Variants in TRPC5 observed in about 807,000 individuals in gnomAD.
TRPC5 encodes the protein transient receptor potential cation channel subfamily C member 5, also known as short transient receptor potential channel 5.
In TRPC5, 9 loss-of-function variants were observed where a neutral mutation model predicts 56.5. The observed-to-expected ratio is 0.16, with a 90% CI of 0.10 to 0.28. TRPC5 has a LOEUF of 0.28. Among genes scored for constraint, TRPC5 ranks in the 10% least tolerant of loss-of-function variants. The pLI is 1.00. For synonymous variants in TRPC5, 282 were observed against 278.5 expected (o/e 1.01, Z -0.13); for missense variants, 469 against 748.9 (o/e 0.63, Z 4.36).
intron 6 of TRPC5, among the ~76,000 whole-genome samples, chrX:111,842,581 G>T (rs1257317905): frequency 1.8e-5 from 2 of 112,167 alleles, no homozygotes; most frequent in Admixed American, 9.5e-5. Flanking sequence ...TTTTTTCAAC[G>T]CTTTGGATGG....
chrX:111,781,913 T>C, intron 8 of TRPC5, 22 bp downstream of exon 8: 1 of 1,155,602 alleles, frequency 8.7e-7, no homozygotes, highest in Non-Finnish European at 1.2e-6. Flanking sequence ...AAAAATTAAG[T>C]TTTCAAAATT....
At chrX:111,904,197 A>C (rs1272001253) in intron 3 of TRPC5, among the ~76,000 whole-genome samples, 2 of 112,309 alleles carry the variant, frequency 1.8e-5, no homozygotes, top group Non-Finnish European at 3.8e-5. Flanking sequence ...GTTATTAATA[A>C]ATTTTCTGCT....
intron 7 of TRPC5, among the ~76,000 whole-genome samples, chrX:111,798,071 T>C (rs1921165012): frequency 8.9e-6 from 1 of 111,757 alleles, no homozygotes; most frequent in African/African-American, 3.2e-5. Flanking sequence ...ATATCCTGAA[T>C]GCATAAAATA....
chrX:111,855,791 A>G (rs1923209012), intron 3 of TRPC5, among the ~76,000 whole-genome samples: 5 of 112,463 alleles, frequency 4.4e-5, no homozygotes, highest in Admixed American at 3.8e-4. Flanking sequence ...AAGAAAATAC[A>G]GAAAAGTCAG....
At chrX:111,886,684 G>A (rs780056091) in intron 3 of TRPC5, among the ~76,000 whole-genome samples, 1 of 111,565 alleles carries the variant, frequency 9.0e-6, no homozygotes, top group South Asian at 3.8e-4. Flanking sequence ...ATGACATTCT[G>A]GAGGCCAAAG....
intron 1 of TRPC5, among the ~76,000 whole-genome samples, chrX:111,992,747 C>G (rs181814698): frequency 2.0e-4 from 22 of 109,223 alleles, no homozygotes; most frequent in Non-Finnish European, 3.4e-4. Flanking sequence ...GGATTACAGG[C>G]ACCTGCCACC....
intron 3 of TRPC5, 58 bp downstream of exon 3, chrX:111,912,233 C>T: frequency 8.9e-7 from 1 of 1,120,102 alleles, no homozygotes. Flanking sequence ...TCTTGCTCTG[C>T]TGCTCCAGAC....
In TRPC5 at chrX:111,776,671, T is replaced by C; in HGVS notation, c.2564A>G (p.His855Arg). 3 of 1,211,819 alleles carry C rather than the reference T, an allele frequency of 2.5e-6. No homozygotes were observed. The highest frequency in any genetic ancestry group is 3.3e-6 in the Non-Finnish European group (3 of 895,543). Residue 855 changes from histidine (H) to arginine (R), a missense_variant, in exon 11 of 11, where the codon CAT (histidine) becomes CGT (arginine). Around this residue, in one of 3 missense-constraint regions of TRPC5, gnomAD observed 194 missense variants for 221.8 expected, o/e 0.87. Coordinates refer to ENST00000262839, the MANE Select transcript of TRPC5 (RefSeq NM_012471.3). ...TGGCTCTGAACTGGGTTCAGACATA[T>C]GACCATTAAATTTGGAGAATAGGAG... ...LGLLFSKFNG[H>R]MSEPSSEPMY... is the part of the protein sequence containing the mutation.
intron 6 of TRPC5, among the ~76,000 whole-genome samples, chrX:111,839,809 T>G (rs1040444818): frequency 3.6e-5 from 4 of 111,057 alleles, no homozygotes; most frequent in Non-Finnish European, 7.6e-5. Context: ...TTTGAACTCC[T>G]GGGCTCAAGT....
chrX:111,963,400 G>A (rs1927452476), intron 1 of TRPC5, among the ~76,000 whole-genome samples: 1 of 112,369 alleles, frequency 8.9e-6, no homozygotes, highest in Non-Finnish European at 1.9e-5. Context: ...TCTGGGGGCA[G>A]GGCACAGACA....
At chrX:111,964,140 G>A (rs1927482924) in intron 1 of TRPC5, among the ~76,000 whole-genome samples, 1 of 112,129 alleles carries the variant, frequency 8.9e-6, no homozygotes. Context: ...AGAGCTGATG[G>A]AGCTGAAAGC....
At chrX:112,054,348 G>T (rs1251362441) in intron 1 of TRPC5, among the ~76,000 whole-genome samples, 1 of 110,961 alleles carries the variant, frequency 9.0e-6, no homozygotes, top group Non-Finnish European at 1.9e-5. Context: ...ATGTGTTGTG[G>T]TTGAAGGGCC....
chrX:112,056,399 A>G (rs969230668), intron 1 of TRPC5, among the ~76,000 whole-genome samples: 6 of 112,609 alleles, frequency 5.3e-5, no homozygotes, highest in Admixed American at 2.8e-4. Context: ...TGCATTTTAA[A>G]AAGTGGTCTG....
chrX:111,912,494 C>T lies in TRPC5; in HGVS notation c.697G>A (p.Val233Met), dbSNP rs145338486. The T allele has an allele frequency of 2.0e-4, 243 of 1,209,724 alleles. No individual in the cohort carries two copies. Among genetic ancestry groups the T allele is most frequent in the Non-Finnish European group, 2.7e-4 (240 of 895,229 alleles). The change falls in exon 3 of 11, where the codon GTG (valine) becomes ATG (methionine). Residue 233 changes from valine (V) to methionine (M), a missense_variant. This residue lies in a region of TRPC5 where 157 missense variants were observed against 360.0 expected (regional missense o/e 0.44). Transcript: ENST00000262839. ...LGWELKELSK[V>M]ENEFKAEYEE... ...TACTCGGCCTTGAACTCATTCTCCA[C>T]CTTGCTGAGCTCCTTGAGCTCCCAG...
At chrX:111,968,752 A>G (rs1159281351) in intron 1 of TRPC5, among the ~76,000 whole-genome samples, 53 of 98,035 alleles carry the variant, frequency 5.4e-4, no homozygotes, top group Admixed American at 1.2e-3. Context: ...GCATGTTCTG[A>G]CTCATAGGTG....
chrX:112,011,526 T>C (rs1928992381), intron 1 of TRPC5, among the ~76,000 whole-genome samples: 1 of 111,618 alleles, frequency 9.0e-6, no homozygotes, highest in South Asian at 3.8e-4. Flanking sequence ...GTTATTCATC[T>C]CAACCTTGCT....
chrX:111,785,215 C>T (rs1327218849), intron 7 of TRPC5, among the ~76,000 whole-genome samples: 1 of 112,071 alleles, frequency 8.9e-6, no homozygotes, highest in African/African-American at 3.2e-5. Flanking sequence ...GTAATATTTG[C>T]TGTTCTGCAG....
chrX:112,023,153 C>T (rs765799568), intron 1 of TRPC5, among the ~76,000 whole-genome samples: 98 of 107,072 alleles, frequency 9.2e-4, no homozygotes, highest in African/African-American at 3.3e-3. Context: ...CCAGGATGGA[C>T]TCGATCTCCT....
At chrX:112,002,149 CA>C (rs1220183873) in intron 1 of TRPC5, among the ~76,000 whole-genome samples, 1 of 112,118 alleles carries the variant, frequency 8.9e-6, no homozygotes, top group East Asian at 2.8e-4. Flanking sequence ...GTTTTCAAAA[CA>C]AGTTAGATCA....
Sources: gnomAD v4.1 joint callset for allele counts (sites outside exome capture counted in the v4.1 genomes callset) on GRCh38, gnomAD v4.1.1 for gene constraint, gnomAD v4.1.1 regional missense constraint, MANE v1.5 for transcripts, NCBI Gene and HGNC (gene_info 2026-07-23, HGNC 2026-07-21) for gene names.